The following ZNF14 variants were observed in gnomAD, a reference collection of about 807,000 sequenced individuals.
ZNF14 encodes zinc finger protein 14, also known as gonadotropin inducible transcription repressor-4.
A neutral mutation model predicts 11.3 loss-of-function variants in ZNF14; 9 were observed. The observed-to-expected ratio is 0.80, with a 90% CI of 0.48 to 1.39. The LOEUF is 1.39. Ranked by LOEUF, ZNF14 falls within the 40% of genes most tolerant of loss-of-function variation. The pLI, the probability that ZNF14 is intolerant of heterozygous loss-of-function variation, is 0.00. For synonymous variants in ZNF14, 239 were observed against 245.7 expected (o/e 0.97, Z 0.25); for missense variants, 711 against 763.9 (o/e 0.93, Z 0.82).
At chr19:19,719,313 A>T (rs1326476315) in intron 1 of ZNF14, among the ~76,000 whole-genome samples, 1 of 152,232 alleles carries the variant, frequency 6.6e-6, no homozygotes, top group Non-Finnish European at 1.5e-5. Context: ...AGAAAAAATA[A>T]ATACAAGTAA....
chr19:19,714,729 T>TTTTTC (rs2062373261), intron 1 of ZNF14, among the ~76,000 whole-genome samples: 1 of 149,892 alleles, frequency 6.7e-6, no homozygotes, highest in African/African-American at 2.4e-5. Context: ...TTTTTTTTTT[T>TTTTTC]GAGACAGAGT....
chr19:19,713,593 A>C lies in ZNF14; in HGVS notation c.191+498T>G, dbSNP rs1185863969. On this transcript the variant is annotated intron_variant, in intron 3 of 3. Coordinates refer to ENST00000344099, the MANE Select transcript of ZNF14 (RefSeq NM_021030.3). ...CCTCCTGGGTAGCTGGGATTATAGG[A>C]GCACACCACCACAGCTGGCTAATTT... Among the ~76,000 whole-genome samples the C allele has an allele frequency of 2.6e-5, 4 of 151,612 alleles. No homozygotes were observed. In the East Asian group the frequency reaches 7.7e-4, roughly 29 times the overall value.
chr19:19,722,813 A>G (rs1230333346), intron 1 of ZNF14, among the ~76,000 whole-genome samples: 1 of 152,114 alleles, frequency 6.6e-6, no homozygotes, highest in Non-Finnish European at 1.5e-5. Flanking sequence ...ATCCCTTGTA[A>G]GTTGGATTCC....
At chr19:19,717,753 T>G (rs767169127) in intron 1 of ZNF14, among the ~76,000 whole-genome samples, 1 of 152,212 alleles carries the variant, frequency 6.6e-6, no homozygotes, top group Non-Finnish European at 1.5e-5. Flanking sequence ...ACAGGCTCAC[T>G]AAAAGACTGA....
At chr19:19,713,841 C>T (rs549102200) in intron 3 of ZNF14, among the ~76,000 whole-genome samples, 1 of 151,380 alleles carries the variant, frequency 6.6e-6, no homozygotes, top group East Asian at 2.0e-4. Flanking sequence ...CCTCAGCCTC[C>T]CAAACTGCTG....
At chr19:19,723,134 G>A (rs1329212288) in intron 1 of ZNF14, among the ~76,000 whole-genome samples, 1 of 152,170 alleles carries the variant, frequency 6.6e-6, no homozygotes, top group African/African-American at 2.4e-5. Flanking sequence ...AGTGGTGAGA[G>A]AGGGCATCCC....
rs1253830425 is a variant in ZNF14, at chr19:19,731,242, T to C, written c.3+1714A>G. On this transcript the variant is annotated intron_variant, in intron 1 of 3. Transcript: ENST00000344099. ...ACCTTTCAGGATAGGGTACCCAAAC[T>C]AGATATGGTACCCAAACTGACATAT... 4.6e-5 allele frequency among the ~76,000 whole-genome samples: 7 copies of C among 152,056 alleles called. 1 individual carries two copies. The highest frequency in any genetic ancestry group is 1.2e-4 in the African/African-American group (5 of 41,414).
chr19:19,723,882 C>G lies in ZNF14; in HGVS notation c.3+9074G>C, dbSNP rs866652861. ...GTTTATTTGCGTAGAGGTGTTTATA[C>G]TATTCTCTGATGGTAGTTTGTATTT... On this transcript the variant is annotated intron_variant, in intron 1 of 3. Coordinates refer to ENST00000344099, the MANE Select transcript of ZNF14 (RefSeq NM_021030.3). Among the ~76,000 whole-genome samples the G allele has an allele frequency of 3.0e-5, 4 of 133,204 alleles. No individual in the cohort carries two copies. In the South Asian group the frequency reaches 7.3e-4, roughly 24 times the overall value. 87.4% of individuals were successfully genotyped at this position (133,204 alleles called of 152,430 possible).
In ZNF14 at chr19:19,712,283, C is replaced by T. The variant is rs758842153; in HGVS notation, c.998G>A (p.Arg333Gln). Residue 333 changes from arginine to glutamine, a missense_variant, in exon 4 of 4, where the codon CGA (arginine) becomes CAA (glutamine). Coordinates refer to ENST00000344099, the MANE Select transcript of ZNF14 (RefSeq NM_021030.3). Reference protein sequence around the residue: ...RAHVIIHTGARPYKCKECGKA... With the variant: ...RAHVIIHTGAQPYKCKECGKA... The stretch of plus-strand genomic sequence containing the variant: ...CCCACATTCTTTACATTTATAAGGT[C>T]GAGCCCCAGTGTGTATTATTACATG... 5.0e-5 allele frequency: 80 copies of T among 1,613,468 alleles called. No individual in the cohort carries two copies. The highest frequency in any genetic ancestry group is 5.8e-5 in the Non-Finnish European group (69 of 1,179,928).
chr19:19,716,008 T>A (rs1009067370), intron 1 of ZNF14, among the ~76,000 whole-genome samples: 2 of 152,186 alleles, frequency 1.3e-5, no homozygotes, highest in African/African-American at 4.8e-5. Flanking sequence ...AGCTCAGGCC[T>A]GAGGAGGAAC....
chr19:19,727,535 C>T lies in ZNF14; in HGVS notation c.3+5421G>A, dbSNP rs1405036473. Among the ~76,000 whole-genome samples, 4 of 133,204 alleles carry T rather than the reference C, an allele frequency of 3.0e-5. 2 individuals carry two copies. Among genetic ancestry groups the T allele is most frequent in the Non-Finnish European group, 6.7e-5 (4 of 60,030 alleles). The allele number at this position is 133,204 out of a possible 152,430, so 87.4% of individuals were successfully genotyped here. A position where few individuals can be genotyped will look rare whatever the true frequency, so the allele number is the denominator to read the frequency against. On this transcript the variant is annotated intron_variant, in intron 1 of 3. Coordinates refer to ENST00000344099, the MANE Select transcript of ZNF14 (RefSeq NM_021030.3). Reference sequence around the variant, plus strand: ...TCCTACTAAAGCCACCGTAAAAATTCCTGAGCCTCGAATACATAGATATCC... The same window carrying T: ...TCCTACTAAAGCCACCGTAAAAATTTCTGAGCCTCGAATACATAGATATCC...
chr19:19,723,279 T>C (rs2062398058), intron 1 of ZNF14, among the ~76,000 whole-genome samples: 2 of 152,244 alleles, frequency 1.3e-5, no homozygotes, highest in South Asian at 4.1e-4. Flanking sequence ...TGGGAGTTTT[T>C]AGCATGAAGG....
chr19:19,712,614 A>G lies in ZNF14; in HGVS notation c.667T>C (p.Tyr223His). Residue 223 changes from tyrosine (Y) to histidine (H), a missense_variant, in exon 4 of 4, where the codon TAT (tyrosine) becomes CAT (histidine). Coordinates refer to ENST00000344099, the MANE Select transcript of ZNF14 (RefSeq NM_021030.3). ...QKHAHTGKKP[Y>H]ECKQCGKAFI... ...GCTTTCCCACACTGTTTACATTCAT[A>G]GGGTTTCTTTCCAGTATGAGCATGT... The G allele has an allele frequency of 4.3e-6, 7 of 1,613,850 alleles. No individual in the cohort carries two copies. The highest frequency in any genetic ancestry group is 5.9e-6 in the Non-Finnish European group (7 of 1,179,938).
At position 19,711,088 on chromosome 19, in the gene ZNF14, A is replaced by C. The variant is rs1389394302; in HGVS notation, c.*264T>G. The C allele has an allele frequency of 5.3e-6, 2 of 379,794 alleles. No homozygotes were observed. The highest frequency in any genetic ancestry group is 9.2e-6 in the Non-Finnish European group (2 of 217,090). 23.5% of individuals were successfully genotyped at this position (379,794 alleles called of 1,614,324 possible). On this transcript the variant is annotated 3_prime_UTR_variant, in exon 4 of 4. Coordinates refer to ENST00000344099, the MANE Select transcript of ZNF14 (RefSeq NM_021030.3). ...CAACAAGCTTGGCCTTTTTTAAAAA[A>C]ACAAAAAACAAAAAACAAAACAGAT...
intron 1 of ZNF14, among the ~76,000 whole-genome samples, chr19:19,717,577 T>C (rs1599469183): frequency 6.6e-6 from 1 of 152,300 alleles, no homozygotes; most frequent in Non-Finnish European, 1.5e-5. Flanking sequence ...CCAATCCTAA[T>C]CCTAAAGTCA....
At chr19:19,713,748 CTT>C (rs71172526) in intron 3 of ZNF14, among the ~76,000 whole-genome samples, 3 of 120,186 alleles carry the variant, frequency 2.5e-5, no homozygotes, top group Non-Finnish European at 5.3e-5. Flanking sequence ...TGTGCCAGGC[CTT>C]TTTTTTTTTT....
chr19:19,711,894 G>A lies in ZNF14; in HGVS notation c.1387C>T (p.Arg463Ter), dbSNP rs762778414. 2.5e-6 allele frequency: 4 copies of A among 1,613,906 alleles called. No homozygotes were observed. The highest frequency in any genetic ancestry group is 1.1e-5 in the South Asian group (1 of 91,056). Reference sequence around the variant, plus strand: ...CCAGTGTGTGACCTTTCATGAATTCGAAAATAACTTGAACACCTGAAGGCT... The same window carrying A: ...CCAGTGTGTGACCTTTCATGAATTCAAAAATAACTTGAACACCTGAAGGCT... ...GKAFRCSSYF[R>*]IHERSHTGEK... The change falls in exon 4 of 4, where the codon CGA becomes TGA. Residue 463 changes from arginine to a stop codon, truncating the protein, a stop_gained. Coordinates refer to ENST00000344099, the MANE Select transcript of ZNF14 (RefSeq NM_021030.3). LOFTEE classifies it low-confidence loss of function (END_TRUNC).
At chr19:19,731,909 T>C (rs907915670) in intron 1 of ZNF14, among the ~76,000 whole-genome samples, 2 of 151,712 alleles carry the variant, frequency 1.3e-5, no homozygotes, top group African/African-American at 4.8e-5. Flanking sequence ...CTACTAAAAA[T>C]ACAAAAAAAT....
chr19:19,731,166 T>C (rs1438050581), intron 1 of ZNF14, among the ~76,000 whole-genome samples: 1 of 152,242 alleles, frequency 6.6e-6, no homozygotes, highest in African/African-American at 2.4e-5. Context: ...ATTTATTGAT[T>C]ATTTTATACA....
Sources: gnomAD v4.1 joint callset for allele counts (sites outside exome capture counted in the v4.1 genomes callset) on GRCh38, gnomAD v4.1.1 for gene constraint, MANE v1.5 for transcripts, NCBI Gene and HGNC (gene_info 2026-07-23, HGNC 2026-07-21) for gene names.